GLRB: variants seen among roughly 807,000 people sequenced by gnomAD.
The protein encoded by GLRB is glycine receptor subunit beta.
In GLRB, 33 loss-of-function variants were observed where a neutral mutation model predicts 54.2. The ratio of observed to expected loss-of-function variants is 0.61; its 90% CI spans 0.46 to 0.81. GLRB has a LOEUF of 0.81. Among genes scored for constraint, GLRB ranks in the 40% least tolerant of loss-of-function variants. The pLI is 0.00. For synonymous variants in GLRB, 209 were observed against 208.2 expected (o/e 1.00, Z -0.03); for missense variants, 572 against 584.6 (o/e 0.98, Z 0.22).
intron 2 of GLRB, among the ~76,000 whole-genome samples, chr4:157,119,093 A>G (rs1342107345): frequency 1.3e-5 from 2 of 151,668 alleles, no homozygotes; most frequent in South Asian, 2.1e-4. Context: ...GTCACTTATC[A>G]TTATTCAAAG....
chr4:157,144,829 C>G (rs939542977), intron 8 of GLRB, among the ~76,000 whole-genome samples: 5 of 152,140 alleles, frequency 3.3e-5, no homozygotes, highest in Non-Finnish European at 5.9e-5. Flanking sequence ...AAATGAAATA[C>G]AGATTTTAAA....
intron 9 of GLRB, among the ~76,000 whole-genome samples, chr4:157,153,557 T>C (rs529077485): frequency 6.6e-6 from 1 of 152,324 alleles, no homozygotes; most frequent in East Asian, 1.9e-4. Context: ...GTTAGGAATC[T>C]GTCCCTCCCA....
At chr4:157,089,903 A>G (rs1734549058) in intron 2 of GLRB, among the ~76,000 whole-genome samples, 1 of 152,206 alleles carries the variant, frequency 6.6e-6, no homozygotes, top group East Asian at 1.9e-4. Flanking sequence ...TGACAAAAGC[A>G]TCTTCAAATC....
chr4:157,101,830 TG>T (rs1375946059), intron 2 of GLRB, among the ~76,000 whole-genome samples: 1 of 79,506 alleles, frequency 1.3e-5, no homozygotes, highest in African/African-American at 4.9e-5. Flanking sequence ...GGGGAGGGTT[TG>T]GGGTTGGGTG....
chr4:157,087,149 G>T (rs1047169584), intron 2 of GLRB, among the ~76,000 whole-genome samples: 2 of 152,100 alleles, frequency 1.3e-5, no homozygotes, highest in African/African-American at 4.8e-5. Context: ...GATAGCTGAT[G>T]ATATAGACAA....
At chr4:157,094,168 C>T (rs139081718) in intron 2 of GLRB, among the ~76,000 whole-genome samples, 249 of 152,306 alleles carry the variant, frequency 1.6e-3, no homozygotes, top group Admixed American at 4.1e-3. Flanking sequence ...AACCAGCACA[C>T]GGATCTAGAA....
intron 4 of GLRB, among the ~76,000 whole-genome samples, chr4:157,134,552 A>G (rs909729493): frequency 6.6e-6 from 1 of 152,144 alleles, no homozygotes; most frequent in African/African-American, 2.4e-5. Context: ...TTTAATACTT[A>G]TATCCCTATA....
intron 2 of GLRB, among the ~76,000 whole-genome samples, chr4:157,106,591 CT>C (rs761231575): frequency 1.3e-5 from 2 of 151,224 alleles, no homozygotes; most frequent in Admixed American, 6.6e-5. Context: ...CTCTCTCTCT[CT>C]TTTTTTTTCC....
chr4:157,094,695 C>T (rs2126462220), intron 2 of GLRB, among the ~76,000 whole-genome samples: 1 of 152,212 alleles, frequency 6.6e-6, no homozygotes, highest in Non-Finnish European at 1.5e-5. Context: ...ACACACCCAC[C>T]AGAATGGCTA....
chr4:157,128,881 A>C (rs1270340948), intron 4 of GLRB, among the ~76,000 whole-genome samples: 3 of 151,924 alleles, frequency 2.0e-5, no homozygotes, highest in Middle Eastern at 6.8e-3. Context: ...TATTGACAGA[A>C]CTTTAATTAT....
intron 2 of GLRB, among the ~76,000 whole-genome samples, chr4:157,099,779 C>T (rs1182315942): frequency 6.6e-6 from 1 of 152,114 alleles, no homozygotes; most frequent in Non-Finnish European, 1.5e-5. Flanking sequence ...AAATTATACT[C>T]CCATCATCGA....
intron 2 of GLRB, among the ~76,000 whole-genome samples, chr4:157,079,180 T>G (rs1734143215): frequency 6.6e-6 from 1 of 152,194 alleles, no homozygotes; most frequent in African/African-American, 2.4e-5. Context: ...TAACGTGCTT[T>G]TAGGTAATAA....
At chr4:157,144,388 C>T (rs1736731669) in intron 8 of GLRB, among the ~76,000 whole-genome samples, 1 of 152,048 alleles carries the variant, frequency 6.6e-6, no homozygotes, top group Admixed American at 6.6e-5. Context: ...AATTATGTAA[C>T]CATCATTTTC....
intron 2 of GLRB, among the ~76,000 whole-genome samples, chr4:157,094,575 A>G (rs927832399): frequency 1.3e-5 from 2 of 152,230 alleles, no homozygotes; most frequent in Non-Finnish European, 2.9e-5. Context: ...AAAAGAGAGT[A>G]GCCTAAAGGC....
intron 2 of GLRB, among the ~76,000 whole-genome samples, chr4:157,087,314 G>A (rs1402348513): frequency 1.3e-5 from 2 of 152,104 alleles, no homozygotes; most frequent in East Asian, 3.8e-4. Flanking sequence ...GAACACCACT[G>A]TATCTCCTTT....
intron 2 of GLRB, among the ~76,000 whole-genome samples, chr4:157,120,281 C>G (rs1392120677): frequency 6.7e-6 from 1 of 149,576 alleles, no homozygotes; most frequent in East Asian, 2.0e-4. Context: ...ATACCTAATG[C>G]TAAATGACAA....
At chr4:157,088,928 A>G (rs1365312956) in intron 2 of GLRB, among the ~76,000 whole-genome samples, 2 of 152,166 alleles carry the variant, frequency 1.3e-5, no homozygotes, top group Non-Finnish European at 2.9e-5. Context: ...TTCAACTAGT[A>G]GGATAAAATG....
chr4:157,078,652 A>T (rs1352523044), intron 2 of GLRB, among the ~76,000 whole-genome samples: 2 of 152,182 alleles, frequency 1.3e-5, no homozygotes, highest in African/African-American at 2.4e-5. Flanking sequence ...AATTGTAAAT[A>T]GGTTATATTA....
At chr4:157,087,035 T>C (rs1487710055) in intron 2 of GLRB, among the ~76,000 whole-genome samples, 1 of 152,176 alleles carries the variant, frequency 6.6e-6, no homozygotes, top group African/African-American at 2.4e-5. Flanking sequence ...ACATTTTAAG[T>C]ACTTGAGATG....
Sources: allele counts gnomAD v4.1 joint callset (sites outside exome capture counted in the v4.1 genomes callset), GRCh38; gene constraint gnomAD v4.1.1; transcripts MANE v1.5; gene names NCBI Gene and HGNC (gene_info 2026-07-23, HGNC 2026-07-21).